The following TPGS2 variants were observed in gnomAD, a reference collection of about 807,000 sequenced individuals.
The protein encoded by TPGS2 is tubulin polyglutamylase complex subunit 2.
In TPGS2, 26 loss-of-function variants were observed where a neutral mutation model predicts 31.1. The observed-to-expected ratio is 0.84, with a 90% CI of 0.61 to 1.16. The LOEUF (loss-of-function observed/expected upper bound fraction) is 1.16, where lower values mean the gene tolerates loss of function less well. TPGS2 is among the 50% of genes most tolerant of loss of function. The pLI is 0.00. For missense variants in TPGS2, 351 were observed against 363.8 expected, an observed-to-expected ratio of 0.96 and a Z score of 0.29; for synonymous variants, 130 against 136.6, an observed-to-expected ratio of 0.95 and a Z score of 0.34.
intron 6 of TPGS2, chr18:36,786,832 C>A: frequency 2.4e-6 from 3 of 1,234,318 alleles, no homozygotes; most frequent in Non-Finnish European, 3.0e-6. Context: ...TCAGAAGCAA[C>A]ACCTAACAGT....
chr18:36,795,519 G>C lies in TPGS2; in HGVS notation c.*1286C>G. On this transcript the variant is annotated 3_prime_UTR_variant, in exon 7 of 7. Coordinates refer to ENST00000334295, the MANE Select transcript of TPGS2 (RefSeq NM_015476.4). ...TCCCCACTTTCCCTGTTGGGAAGCA[G>C]GGTGAAGGCCTTGCTTCTGCCCACA... 1 of 985,440 alleles carries C rather than the reference G, an allele frequency of 1.0e-6. No individual in the cohort carries two copies. Among genetic ancestry groups the C allele is most frequent in the Non-Finnish European group, 1.2e-6 (1 of 829,950 alleles). The allele number at this position is 985,440 out of a possible 1,614,324, so 61.0% of individuals were successfully genotyped here.
At chr18:36,788,852 G>C (rs1286006532) in intron 6 of TPGS2, 6 of 152,182 alleles carry the variant, frequency 3.9e-5, no homozygotes, top group African/African-American at 1.4e-4. Context: ...TGTGAGAAAT[G>C]TTATTTCTTG....
chr18:36,810,171 C>G (rs2045355048), intron 2 of TPGS2, among the ~76,000 whole-genome samples: 1 of 152,144 alleles, frequency 6.6e-6, no homozygotes, highest in Non-Finnish European at 1.5e-5. Context: ...CCCAAGCACC[C>G]CTGGGGCAGT....
intron 6 of TPGS2, among the ~76,000 whole-genome samples, chr18:36,787,930 T>A (rs1313936695): frequency 3.9e-5 from 6 of 152,164 alleles, no homozygotes; most frequent in African/African-American, 1.4e-4. Flanking sequence ...GAAGAAAAAA[T>A]TGCCTGAAAT....
chr18:36,795,872 T>TAA lies in TPGS2; in HGVS notation c.*931_*932dup. 1.0e-6 allele frequency: 1 copy of TAA among 985,482 alleles called. No individual in the cohort carries two copies. Among genetic ancestry groups the TAA allele is most frequent in the Non-Finnish European group, 1.2e-6 (1 of 829,936 alleles). The allele number at this position is 985,482 out of a possible 1,614,324, so 61.0% of individuals were successfully genotyped here. A position where few individuals can be genotyped will look rare whatever the true frequency, so the allele number is the denominator to read the frequency against. ...GGCAGAGCAGGTGGAAAGCTTCTGTTAACAGTGTCTGGCACCATTAAAACT... is the reference window on the plus strand; with the variant it reads ...GGCAGAGCAGGTGGAAAGCTTCTGTTAAAACAGTGTCTGGCACCATTAAAACT... On this transcript the variant is annotated 3_prime_UTR_variant, in exon 7 of 7. Transcript: ENST00000334295.
At chr18:36,780,836 G>A (rs2043992445), downstream of TPGS2, among the ~76,000 whole-genome samples, 1 of 152,182 alleles carries the variant, frequency 6.6e-6, no homozygotes, top group African/African-American at 2.4e-5. Flanking sequence ...TTGCAGGACT[G>A]GAAGCTGCTC....
At chr18:36,814,689 C>A (rs1440804968) in intron 2 of TPGS2, among the ~76,000 whole-genome samples, 1 of 152,174 alleles carries the variant, frequency 6.6e-6, no homozygotes, top group Non-Finnish European at 1.5e-5. Context: ...GCTTCCATAT[C>A]CTTACTAGTA....
At position 36,795,680 on chromosome 18, in the gene TPGS2, G is replaced by T. The variant is rs909868900; in HGVS notation, c.*1125C>A. On this transcript the variant is annotated 3_prime_UTR_variant, in exon 7 of 7. Coordinates refer to ENST00000334295, the MANE Select transcript of TPGS2 (RefSeq NM_015476.4). ...TCAAATATTAAGCATATGTGGGCTA[G>T]AGGTTCCCCCATATGTCAATGGGAA... 3 of 985,338 alleles carry T rather than the reference G, an allele frequency of 3.0e-6. No individual in the cohort carries two copies. The African/African-American group carries it at 5.2e-5, about 17-fold the overall frequency. 61.0% of individuals were successfully genotyped at this position (985,338 alleles called of 1,614,324 possible).
rs139330466 is a variant in TPGS2, at chr18:36,817,964, C to T, written c.165+930G>A. Among the ~76,000 whole-genome samples, 595 of 152,250 alleles carry T rather than the reference C, an allele frequency of 3.9e-3. 6 individuals carry two copies. Among genetic ancestry groups the T allele is most frequent in the South Asian group, 0.031 (148 of 4,824 alleles). Reference sequence around the variant, plus strand: ...AGTATAAATCTAACTTCAAAGTTCCCTACTTAAAACATTTCAATGACTCCC... The same window carrying T: ...AGTATAAATCTAACTTCAAAGTTCCTTACTTAAAACATTTCAATGACTCCC... On this transcript the variant is annotated intron_variant, in intron 2 of 6. Transcript: ENST00000334295.
At chr18:36,808,284 A>G (rs1387917325) in intron 2 of TPGS2, among the ~76,000 whole-genome samples, 1 of 152,214 alleles carries the variant, frequency 6.6e-6, no homozygotes, top group African/African-American at 2.4e-5. Context: ...GTTCAAGCAA[A>G]GCAATCACTG....
In TPGS2 at chr18:36,828,994, C is replaced by T. The variant is rs2046341004; in HGVS notation, c.-227G>A. 32 of 1,108,752 alleles carry T rather than the reference C, an allele frequency of 2.9e-5. No homozygotes were observed. The South Asian group carries it at 5.1e-4, about 18-fold the overall frequency. 68.7% of individuals were successfully genotyped at this position (1,108,752 alleles called of 1,614,324 possible). A position where few individuals can be genotyped will look rare whatever the true frequency, so the allele number is the denominator to read the frequency against. ...ACACCGCACCTCCGGGACGTAGCTT[C>T]CCCTTCGCCCCCACCCTCTCGCCCC... On this transcript the variant is annotated 5_prime_UTR_variant, in exon 1 of 7. Coordinates refer to ENST00000334295, the MANE Select transcript of TPGS2 (RefSeq NM_015476.4).
chr18:36,797,980 C>G (rs2044615802), intron 6 of TPGS2: 1 of 188,744 alleles, frequency 5.3e-6, no homozygotes, highest in South Asian at 1.4e-4. Flanking sequence ...GTTGACAGTA[C>G]ATTACACTTG....
chr18:36,825,957 C>CTAAA (rs1568036301), intron 1 of TPGS2, among the ~76,000 whole-genome samples: 1 of 152,086 alleles, frequency 6.6e-6, no homozygotes, highest in African/African-American at 2.4e-5. Context: ...TTATTTTGGT[C>CTAAA]TTCTTTAATT....
intron 4 of TPGS2, among the ~76,000 whole-genome samples, chr18:36,804,570 C>T (rs866020102): frequency 4.6e-5 from 7 of 152,202 alleles, no homozygotes; most frequent in East Asian, 1.9e-4. Flanking sequence ...CTCATCCAAT[C>T]GGAGGAGAAA....
At chr18:36,781,996 C>T, downstream of TPGS2, 1 of 944,392 alleles carries the variant, frequency 1.1e-6, no homozygotes, top group Non-Finnish European at 1.3e-6. Flanking sequence ...CAATATTCCA[C>T]TTATGGTTTA....
At chr18:36,790,797 A>G (rs2044284287), downstream of TPGS2, among the ~76,000 whole-genome samples, 1 of 152,212 alleles carries the variant, frequency 6.6e-6, no homozygotes, top group Non-Finnish European at 1.5e-5. Context: ...CTACTGGTCT[A>G]TCCTGAAGTA....
At chr18:36,786,897 C>T in intron 6 of TPGS2, 10 of 1,234,332 alleles carry the variant, frequency 8.1e-6, no homozygotes, top group Non-Finnish European at 1.0e-5. Flanking sequence ...CTGTTGTTCC[C>T]ATGCTGTTGG....
At position 36,800,279 on chromosome 18, in the gene TPGS2, C is replaced by CA; in HGVS notation, c.414dup (p.Asp139Ter). 1.2e-6 allele frequency: 2 copies of CA among 1,614,104 alleles called. No homozygotes were observed. Among genetic ancestry groups the CA allele is most frequent in the Non-Finnish European group, 1.7e-6 (2 of 1,180,008 alleles). The stretch of plus-strand genomic sequence containing the variant: ...AGCTCAAATATCACACTGCGAGAGT[C>CA]AAAGTGAGGCTTCTCTGGCTGATCA... On this transcript the variant is annotated frameshift_variant, in exon 5 of 7. Coordinates refer to ENST00000334295, the MANE Select transcript of TPGS2 (RefSeq NM_015476.4). LOFTEE classifies it high-confidence loss of function.
Position 36,828,933 on chromosome 18 carries a change from T to C in TPGS2, c.-166A>G, listed in dbSNP as rs2046337384. The C allele has an allele frequency of 3.0e-6, 3 of 987,902 alleles. No individual in the cohort carries two copies. The highest frequency in any genetic ancestry group is 3.1e-5 in the Admixed American group (1 of 32,444). 61.2% of individuals were successfully genotyped at this position (987,902 alleles called of 1,614,324 possible). A position where few individuals can be genotyped will look rare whatever the true frequency, so the allele number is the denominator to read the frequency against. The stretch of plus-strand genomic sequence containing the variant: ...GGTTGGTCTGACAGCAGCAGCTCCG[T>C]GGGGCGCCGGTTCCCGCGGCCCCGC... On this transcript the variant is annotated 5_prime_UTR_variant, in exon 1 of 7. Coordinates refer to ENST00000334295, the MANE Select transcript of TPGS2 (RefSeq NM_015476.4).
Sources: gnomAD v4.1 joint callset for allele counts (sites outside exome capture counted in the v4.1 genomes callset) on GRCh38, gnomAD v4.1.1 for gene constraint, MANE v1.5 for transcripts, NCBI Gene and HGNC (gene_info 2026-07-23, HGNC 2026-07-21) for gene names.